The following ELK4 variants were observed in gnomAD, a reference collection of about 807,000 sequenced individuals.
ELK4 encodes ETS transcription factor ELK4.
In ELK4, 16 loss-of-function variants were observed where a neutral mutation model predicts 29.6. That is an observed-to-expected ratio of 0.54 (90% confidence interval 0.37 to 0.82). The LOEUF (loss-of-function observed/expected upper bound fraction) is 0.82, where lower values mean the gene tolerates loss of function less well. ELK4 is among the 40% of genes least tolerant of loss of function. ELK4 has a pLI of 0.00. For missense variants in ELK4, 465 were observed against 507.1 expected, an observed-to-expected ratio of 0.92 and a Z score of 0.80; for synonymous variants, 213 against 191.1, an observed-to-expected ratio of 1.11 and a Z score of -0.95.
At chr1:205,629,170 CAAAAAAAA>C (rs61374496) in intron 1 of ELK4, among the ~76,000 whole-genome samples, 2 of 92,290 alleles carry the variant, frequency 2.2e-5, no homozygotes, top group Non-Finnish European at 4.1e-5. Flanking sequence ...GACTACGTCT[CAAAAAAAA>C]AAAAAAAAAA....
At chr1:205,624,227 T>C (rs1049934027) in intron 1 of ELK4, among the ~76,000 whole-genome samples, 2 of 152,166 alleles carry the variant, frequency 1.3e-5, no homozygotes, top group Non-Finnish European at 2.9e-5. Flanking sequence ...CCCTAAATTA[T>C]AGGAAAAAAC....
At chr1:205,626,202 G>A in intron 1 of ELK4, 1 of 579,330 alleles carries the variant, frequency 1.7e-6, no homozygotes, top group Non-Finnish European at 3.3e-6. Flanking sequence ...CAGAGAGGTG[G>A]CCTCCCTTTC....
intron 2 of ELK4, among the ~76,000 whole-genome samples, chr1:205,621,171 G>C (rs147887712): frequency 7.4e-6 from 1 of 135,288 alleles, no homozygotes; most frequent in East Asian, 2.5e-4. Flanking sequence ...CTCCAGCCTG[G>C]TGACAGAGCA....
chr1:205,620,649 C>T lies in ELK4; in HGVS notation c.397G>A (p.Ala133Thr), dbSNP rs1670322459. 1.2e-6 allele frequency: 2 copies of T among 1,614,056 alleles called. No individual in the cohort carries two copies. The highest frequency in any genetic ancestry group is 1.7e-5 in the Admixed American group (1 of 60,006). Residue 133 changes from alanine (A) to threonine (T), a missense_variant, in exon 3 of 5, where the codon GCC (alanine) becomes ACC (threonine). Ala to Thr is a moderately conservative substitution (Grantham distance 58). Coordinates refer to ENST00000357992, the MANE Select transcript of ELK4 (RefSeq NM_001973.4). Reference protein sequence around the residue: ...GGKDKPPQPGAKTSSRNDYIH... With the variant: ...GGKDKPPQPGTKTSSRNDYIH... ...TAGTCATTGCGGCTAGAGGTCTTGG[C>T]ACCAGGCTGAGGTGGTTTATCTTTC...
chr1:205,619,269 TA>T, intron 3 of ELK4, 196 bp from the exon 4 acceptor site: 1 of 1,049,510 alleles, frequency 9.5e-7, no homozygotes, highest in Non-Finnish European at 1.2e-6. Flanking sequence ...AATAACTACT[TA>T]AAATTTTTTA....
In ELK4 at chr1:205,616,567, G is replaced by T; in HGVS notation, c.1275C>A (p.Ser425=). The T allele has an allele frequency of 6.2e-7, 1 of 1,614,128 alleles. No individual in the cohort carries two copies. Among genetic ancestry groups the T allele is most frequent in the Non-Finnish European group, 8.5e-7 (1 of 1,180,022 alleles). ...TAGGTTATGTCTTCTGTAGGTCTGG[G>T]GAAAATGGGCCAGGGGTGGAAGGTC... ...LDGPSTPGPF[S]PDLQKT The change falls in exon 5 of 5, where the codon TCC becomes TCA. Residue 425 remains serine, a synonymous_variant. Transcript: ENST00000357992.
rs1670184488 is a variant in ELK4, at chr1:205,613,464, G to C, written c.*3082C>G. The C allele has an allele frequency of 5.4e-6, 1 of 184,822 alleles. No homozygotes were observed. The highest frequency in any genetic ancestry group is 2.3e-5 in the African/African-American group (1 of 42,596). The allele number at this position is 184,822 out of a possible 1,614,324, so 11.4% of individuals were successfully genotyped here. ...AGAAATTATGTGAAAATCCACTCTT[G>C]GGTGGAGTAAATGCAATGGTTTGCC... On this transcript the variant is annotated 3_prime_UTR_variant, in exon 5 of 5. Coordinates refer to ENST00000357992, the MANE Select transcript of ELK4 (RefSeq NM_001973.4).
chr1:205,626,568 C>G lies in ELK4; in HGVS notation c.-9-2677G>C, dbSNP rs188807938. Among the ~76,000 whole-genome samples the G allele has an allele frequency of 2.0e-5, 3 of 150,782 alleles. No homozygotes were observed. In the East Asian group the frequency reaches 5.8e-4, roughly 29 times the overall value. ...GGAGGCACATCAATAAAGAAGAAAC[C>G]ACCAAAAAAAAAATGCTCTACATAA... On this transcript the variant is annotated intron_variant, in intron 1 of 4. Coordinates refer to ENST00000357992, the MANE Select transcript of ELK4 (RefSeq NM_001973.4).
At position 205,616,013 on chromosome 1, in the gene ELK4, T is replaced by A. The variant is rs1670226711; in HGVS notation, c.*533A>T. 4.5e-6 allele frequency: 1 copy of A among 224,376 alleles called. No individual in the cohort carries two copies. The highest frequency in any genetic ancestry group is 2.2e-5 in the African/African-American group (1 of 44,752). 13.9% of individuals were successfully genotyped at this position (224,376 alleles called of 1,614,324 possible). On this transcript the variant is annotated 3_prime_UTR_variant, in exon 5 of 5. Coordinates refer to ENST00000357992, the MANE Select transcript of ELK4 (RefSeq NM_001973.4). Reference sequence around the variant, plus strand: ...CCAGTATGACTGCTCCAATCTTACTTTGTATGAATAGGAATGATTCTTCTT... The same window carrying A: ...CCAGTATGACTGCTCCAATCTTACTATGTATGAATAGGAATGATTCTTCTT...
intron 1 of ELK4, among the ~76,000 whole-genome samples, chr1:205,629,218 G>T (rs1670528674): frequency 1.3e-5 from 2 of 150,106 alleles, no homozygotes; most frequent in African/African-American, 2.5e-5. Context: ...TGAGGTTTTA[G>T]ACTGAAGTAT....
At chr1:205,617,918 T>A (rs115437121) in intron 4 of ELK4, among the ~76,000 whole-genome samples, 2,258 of 152,108 alleles carry the variant, frequency 0.015, 57 homozygotes, top group African/African-American at 0.051. Context: ...AAATTTTTTT[T>A]AATCTTTAAT....
chr1:205,619,119 T>A, intron 3 of ELK4, 46 bp from the exon 4 acceptor site: 1 of 1,436,494 alleles, frequency 7.0e-7, no homozygotes, highest in East Asian at 2.4e-5. Flanking sequence ...CTTACCAGGA[T>A]GTTTTATCCT....
chr1:205,626,480 C>T (rs1047125045), intron 1 of ELK4, among the ~76,000 whole-genome samples: 2 of 152,256 alleles, frequency 1.3e-5, no homozygotes, highest in Admixed American at 6.5e-5. Context: ...CCCCAGCAAT[C>T]CCTTCCTTTT....
At position 205,612,205 on chromosome 1, in the gene ELK4, A is replaced by G. The variant is rs764294253; in HGVS notation, c.*4341T>C. ...TAATGTGAAATTTCAAAAGTTGACA[A>G]TAAGCTCTCCTGAAAAACTCCAAAT... is the stretch of plus-strand genomic sequence containing the variant. On this transcript the variant is annotated 3_prime_UTR_variant, in exon 5 of 5. Coordinates refer to ENST00000357992, the MANE Select transcript of ELK4 (RefSeq NM_001973.4). The G allele has an allele frequency of 9.9e-6, 2 of 202,880 alleles. No individual in the cohort carries two copies. The highest frequency in any genetic ancestry group is 1.0e-5 in the Non-Finnish European group (1 of 98,962). 12.6% of individuals were successfully genotyped at this position (202,880 alleles called of 1,614,324 possible).
chr1:205,620,154 G>C lies in ELK4; in HGVS notation c.892C>G (p.Leu298Val). ...ACTGAATCCTGGTCTTTAGGCTCCA[G>C]TGACAAATTCTCTGGAAGTTCCATT... The part of the protein sequence containing the change: ...QPMELPENLS[L>V]EPKDQDSVLL... The change falls in exon 3 of 5, where the codon CTG becomes GTG. Residue 298 changes from leucine (L) to valine (V), a missense_variant. Physicochemically the swap from Leu to Val is conservative, Grantham distance 32 (BLOSUM62 1). Around this residue, in one of 2 missense-constraint regions of ELK4, gnomAD observed 385 missense variants for 387.5 expected, o/e 0.99. Transcript: ENST00000357992. The C allele has an allele frequency of 6.2e-7, 1 of 1,614,236 alleles. No individual in the cohort carries two copies. The highest frequency in any genetic ancestry group is 8.5e-7 in the Non-Finnish European group (1 of 1,180,048).
chr1:205,627,508 CA>C (rs767901372), intron 1 of ELK4, among the ~76,000 whole-genome samples: 86 of 119,032 alleles, frequency 7.2e-4, no homozygotes, highest in East Asian at 7.8e-4. Flanking sequence ...GACTCCGCCT[CA>C]AAAAAAAAAA....
chr1:205,618,944 T>G lies in ELK4; in HGVS notation c.1197+13A>C, dbSNP rs967734498. 1 of 1,585,204 alleles carries G rather than the reference T, an allele frequency of 6.3e-7. No homozygotes were observed. The highest frequency in any genetic ancestry group is 8.6e-7 in the Non-Finnish European group (1 of 1,158,458). ...ATGCTCCAACTACAGAAGACAGATA[T>G]TTATAAAATTACCTGGAAAAGTGTG... On this transcript the variant is annotated intron_variant, in intron 4 of 4. Transcript: ENST00000357992.
At chr1:205,631,226 C>T (rs1309097730) in intron 1 of ELK4, among the ~76,000 whole-genome samples, 1 of 152,220 alleles carries the variant, frequency 6.6e-6, no homozygotes, top group Non-Finnish European at 1.5e-5. Flanking sequence ...CGGACGGCCG[C>T]GTGTGCCCTA....
chr1:205,625,065 C>A (rs375942638), intron 1 of ELK4, among the ~76,000 whole-genome samples: 38 of 152,204 alleles, frequency 2.5e-4, no homozygotes, highest in African/African-American at 9.2e-4. Flanking sequence ...CTTCCTTTCT[C>A]TAGTAATGAG....
Sources: allele counts gnomAD v4.1 joint callset (sites outside exome capture counted in the v4.1 genomes callset), GRCh38; gene constraint gnomAD v4.1.1; regional missense constraint gnomAD v4.1.1; transcripts MANE v1.5; gene names NCBI Gene and HGNC (gene_info 2026-07-23, HGNC 2026-07-21).